THSD7A: variants seen among roughly 807,000 people sequenced by gnomAD.
THSD7A encodes thrombospondin type 1 domain containing 7A.
In THSD7A, 96 loss-of-function variants were observed where a neutral mutation model predicts 231.3. That is an observed-to-expected ratio of 0.41 (90% CI 0.35 to 0.49). The LOEUF (loss-of-function observed/expected upper bound fraction) is 0.49, where lower values mean the gene tolerates loss of function less well. THSD7A is among the 20% of genes least tolerant of loss of function. The pLI is 0.05. For synonymous variants in THSD7A, 940 were observed against 743.3 expected (o/e 1.26, Z -4.30); for missense variants, 2,290 against 2,070.2 (o/e 1.11, Z -2.06).
intron 1 of THSD7A, among the ~76,000 whole-genome samples, chr7:11,656,897 G>A (rs1782730244): frequency 6.6e-6 from 1 of 151,756 alleles, no homozygotes; most frequent in South Asian, 2.1e-4. Context: ...ACAAACATTT[G>A]TTATTTTCCT....
chr7:11,501,195 C>T (rs181827818), intron 6 of THSD7A, among the ~76,000 whole-genome samples: 9 of 152,284 alleles, frequency 5.9e-5, no homozygotes, highest in African/African-American at 1.2e-4. Flanking sequence ...GACTTCAACA[C>T]TCCACTGACA....
chr7:11,485,688 T>C (rs1786627927), intron 6 of THSD7A, among the ~76,000 whole-genome samples: 1 of 152,196 alleles, frequency 6.6e-6, no homozygotes, highest in Non-Finnish European at 1.5e-5. Flanking sequence ...ATTGGGGTTC[T>C]TCTTGGTGGA....
At chr7:11,509,301 C>T (rs1163510811) in intron 6 of THSD7A, among the ~76,000 whole-genome samples, 1 of 152,076 alleles carries the variant, frequency 6.6e-6, no homozygotes, top group Non-Finnish European at 1.5e-5. Context: ...TGATGAACTG[C>T]AATCATTTCA....
At chr7:11,414,275 C>G (rs543483336) in intron 17 of THSD7A, among the ~76,000 whole-genome samples, 1 of 152,168 alleles carries the variant, frequency 6.6e-6, no homozygotes, top group Admixed American at 6.5e-5. Context: ...CTCTGTTTCA[C>G]CTTTTGACAT....
intron 9 of THSD7A, among the ~76,000 whole-genome samples, chr7:11,466,984 AG>A (rs1170806132): frequency 6.6e-5 from 10 of 152,160 alleles, no homozygotes; most frequent in Admixed American, 6.5e-4. Flanking sequence ...CCGGACCCAC[AG>A]CACTATCTAC....
At chr7:11,423,085 T>G (rs1466501789) in intron 16 of THSD7A, among the ~76,000 whole-genome samples, 1 of 152,156 alleles carries the variant, frequency 6.6e-6, no homozygotes, top group Admixed American at 6.5e-5. Flanking sequence ...CCTATCTACT[T>G]ATTACCTCTC....
At chr7:11,823,254 GT>G (rs1562580533) in intron 1 of THSD7A, among the ~76,000 whole-genome samples, 2 of 152,018 alleles carry the variant, frequency 1.3e-5, no homozygotes, top group African/African-American at 4.8e-5. Flanking sequence ...TCAAAGATCA[GT>G]TGGTTTAAAA....
chr7:11,587,574 C>T (rs183436109), intron 4 of THSD7A, among the ~76,000 whole-genome samples: 2 of 152,254 alleles, frequency 1.3e-5, no homozygotes, highest in Admixed American at 1.3e-4. Flanking sequence ...TCTACTGACA[C>T]AAATAGCATA....
chr7:11,805,517 A>G (rs1461818832), intron 1 of THSD7A, among the ~76,000 whole-genome samples: 1 of 152,178 alleles, frequency 6.6e-6, no homozygotes, highest in African/African-American at 2.4e-5. Flanking sequence ...AGAGAAAAAT[A>G]GAGAATAATT....
At position 11,375,662 on chromosome 7, in the gene THSD7A, T is replaced by C. The variant is rs79305317; in HGVS notation, c.*132A>G. Reference sequence around the variant, plus strand: ...TCCAGTGGCAGTATGATTTTCACTCTTGTCTTTATGATGCCATTTTTAAAA... The same window carrying C: ...TCCAGTGGCAGTATGATTTTCACTCCTGTCTTTATGATGCCATTTTTAAAA... On this transcript the variant is annotated 3_prime_UTR_variant, in exon 28 of 28. Coordinates refer to ENST00000423059, the MANE Select transcript of THSD7A (RefSeq NM_015204.3). 10,165 of 707,002 alleles carry C rather than the reference T, an allele frequency of 0.014. 597 individuals carry two copies. In the African/African-American group the frequency reaches 0.14, roughly 10 times the overall value. 43.8% of individuals were successfully genotyped at this position (707,002 alleles called of 1,614,324 possible).
At chr7:11,641,704 G>C (rs933242361) in intron 1 of THSD7A, among the ~76,000 whole-genome samples, 2 of 150,322 alleles carry the variant, frequency 1.3e-5, no homozygotes, top group Admixed American at 1.3e-4. Flanking sequence ...ATGCATGAAG[G>C]CACCAGTGAA....
At chr7:11,591,689 G>A (rs961102560) in intron 3 of THSD7A, among the ~76,000 whole-genome samples, 1 of 152,084 alleles carries the variant, frequency 6.6e-6, no homozygotes, top group Non-Finnish European at 1.5e-5. Context: ...GTGGGACTGG[G>A]TCATGAAGAA....
intron 4 of THSD7A, among the ~76,000 whole-genome samples, chr7:11,549,892 G>C (rs1257292100): frequency 6.6e-6 from 1 of 151,972 alleles, no homozygotes; most frequent in Non-Finnish European, 1.5e-5. Flanking sequence ...TAATGAACCT[G>C]CACATCCTAC....
intron 1 of THSD7A, among the ~76,000 whole-genome samples, chr7:11,744,525 T>G (rs982049383): frequency 6.6e-6 from 1 of 151,900 alleles, no homozygotes; most frequent in African/African-American, 2.4e-5. Flanking sequence ...ATGTGCCATG[T>G]TGGTGTGCTG....
At chr7:11,797,273 C>T (rs1344741476) in intron 1 of THSD7A, among the ~76,000 whole-genome samples, 2 of 152,204 alleles carry the variant, frequency 1.3e-5, no homozygotes, top group African/African-American at 2.4e-5. Context: ...ATGGATAACA[C>T]ATTTAAGCCA....
At chr7:11,439,706 G>T (rs1415190589) in intron 13 of THSD7A, among the ~76,000 whole-genome samples, 3 of 152,010 alleles carry the variant, frequency 2.0e-5, no homozygotes, top group Non-Finnish European at 2.9e-5. Flanking sequence ...CCTATCTTCA[G>T]CTCTATGCAG....
chr7:11,813,018 A>G (rs1784577066), intron 1 of THSD7A, among the ~76,000 whole-genome samples: 2 of 152,200 alleles, frequency 1.3e-5, no homozygotes, highest in Non-Finnish European at 2.9e-5. Flanking sequence ...ACAAGGAAGT[A>G]TTGTTATTCC....
At chr7:11,594,038 G>C (rs1302113817) in intron 2 of THSD7A, among the ~76,000 whole-genome samples, 5 of 152,160 alleles carry the variant, frequency 3.3e-5, no homozygotes, top group African/African-American at 1.2e-4. Context: ...CTTAATCTGA[G>C]TGGACACCAT....
chr7:11,396,645 A>G (rs1207711335), intron 23 of THSD7A, among the ~76,000 whole-genome samples: 1 of 152,226 alleles, frequency 6.6e-6, no homozygotes, highest in Non-Finnish European at 1.5e-5. Flanking sequence ...TTAGTAGCCT[A>G]CCAACCACAA....
Sources: allele counts gnomAD v4.1 joint callset (sites outside exome capture counted in the v4.1 genomes callset), GRCh38; gene constraint gnomAD v4.1.1; transcripts MANE v1.5; gene names NCBI Gene and HGNC (gene_info 2026-07-23, HGNC 2026-07-21).